PAK3: variants seen among roughly 807,000 people sequenced by gnomAD.
PAK3 encodes the protein p21 (RAC1) activated kinase 3.
Under a neutral mutation model 41.0 loss-of-function variants are expected in PAK3, and 4 were observed. That is an observed-to-expected ratio of 0.10 (90% CI 0.05 to 0.22). PAK3 has a LOEUF of 0.22. PAK3 is among the 10% of genes least tolerant of loss of function. The pLI is 1.00. For synonymous variants in PAK3, 146 were observed against 139.6 expected (o/e 1.05, Z -0.32); for missense variants, 205 against 409.9 (o/e 0.50, Z 4.32).
intron 1 of PAK3, among the ~76,000 whole-genome samples, chrX:111,062,496 G>A (rs2148811082): frequency 8.9e-6 from 1 of 112,257 alleles, no homozygotes; most frequent in East Asian, 2.8e-4. Flanking sequence ...GGCCTCAGTT[G>A]GACTGAACTC....
chrX:111,200,380 T>A (rs954432355), intron 16 of PAK3, among the ~76,000 whole-genome samples: 8 of 111,940 alleles, frequency 7.1e-5, no homozygotes, highest in African/African-American at 2.6e-4. Context: ...CTTGTTTTAT[T>A]CCCTGTGCTG....
At chrX:110,990,664 C>A (rs892637468) in intron 1 of PAK3, among the ~76,000 whole-genome samples, 3 of 110,165 alleles carry the variant, frequency 2.7e-5, no homozygotes, top group Non-Finnish European at 5.7e-5. Flanking sequence ...AAAGGATATT[C>A]TTTTACTGGT....
chrX:111,138,856 T>C (rs925514911), intron 5 of PAK3, among the ~76,000 whole-genome samples: 1 of 110,856 alleles, frequency 9.0e-6, no homozygotes, highest in Non-Finnish European at 1.9e-5. Context: ...TCAAGAATGT[T>C]ATTCAGGAGG....
Position 111,176,370 on chromosome X carries a change from C to T in PAK3, c.830+3289C>T, listed in dbSNP as rs756158445. Among the ~76,000 whole-genome samples, 17 of 110,266 alleles carry T rather than the reference C, an allele frequency of 1.5e-4. 1 individual carries two copies. The South Asian group carries it at 4.4e-3, about 29-fold the overall frequency. ...GGCGAAGGGAGTGAGAGCATTAGGACGAATAGCCAATGCATGCGGGGCTTA... is the reference window on the plus strand; with the variant it reads ...GGCGAAGGGAGTGAGAGCATTAGGATGAATAGCCAATGCATGCGGGGCTTA... On this transcript the variant is annotated intron_variant, in intron 11 of 17. Coordinates refer to ENST00000372007, the MANE Select transcript of PAK3 (RefSeq NM_002578.5).
chrX:111,222,863 A>G lies in PAK3; in HGVS notation c.*2416A>G, dbSNP rs1215289459. The G allele has an allele frequency of 9.0e-6, 1 of 111,290 alleles. No homozygotes were observed. The highest frequency in any genetic ancestry group is 1.9e-5 in the Non-Finnish European group (1 of 53,020). 9.2% of individuals were successfully genotyped at this position (111,290 alleles called of 1,213,427 possible). On this transcript the variant is annotated 3_prime_UTR_variant, in exon 18 of 18. Transcript: ENST00000372007. ...ATGCTTTCAGTTCAGCATATTAACAATGAGGAGCCAGGTACTTCTTTACTA... is the reference window on the plus strand; with the variant it reads ...ATGCTTTCAGTTCAGCATATTAACAGTGAGGAGCCAGGTACTTCTTTACTA...
chrX:111,097,586 G>C lies in PAK3; in HGVS notation c.-274G>C, dbSNP rs765534627. On this transcript the variant is annotated 5_prime_UTR_variant, in exon 3 of 18. Transcript: ENST00000372007. The stretch of plus-strand genomic sequence containing the variant: ...TCATGGTTTTGCAGACTCAAATCCA[G>C]GCCAAGTGTATGGCTGTCTGAGGTA... 9.9e-5 allele frequency: 11 copies of C among 110,701 alleles called. No homozygotes were observed. The highest frequency in any genetic ancestry group is 1.3e-4 in the Non-Finnish European group (7 of 52,988). 9.1% of individuals were successfully genotyped at this position (110,701 alleles called of 1,213,427 possible).
At chrX:111,066,166 T>C (rs1455223005) in intron 1 of PAK3, among the ~76,000 whole-genome samples, 1 of 111,977 alleles carries the variant, frequency 8.9e-6, no homozygotes, top group African/African-American at 3.2e-5. Context: ...GAGATCTTTC[T>C]AACTTTTTTA....
chrX:111,178,447 T>A (rs749176083), intron 11 of PAK3, among the ~76,000 whole-genome samples: 23 of 111,545 alleles, frequency 2.1e-4, no homozygotes, highest in Admixed American at 1.0e-3. Context: ...GTAGAAAAAT[T>A]ATTTAATTTC....
At chrX:111,095,578 G>A (rs909987504), upstream of PAK3, among the ~76,000 whole-genome samples, 4 of 112,245 alleles carry the variant, frequency 3.6e-5, no homozygotes, top group African/African-American at 1.3e-4. Context: ...TCCATTTGAA[G>A]TAGAGTTATT....
intron 6 of PAK3, among the ~76,000 whole-genome samples, chrX:111,143,691 T>TA (rs1421097121): frequency 1.8e-5 from 2 of 110,886 alleles, no homozygotes; most frequent in South Asian, 3.7e-4. Flanking sequence ...GTTCTATTTT[T>TA]AAAAAATTAC....
At chrX:111,034,399 A>G (rs73539006) in intron 1 of PAK3, among the ~76,000 whole-genome samples, 1 of 112,001 alleles carries the variant, frequency 8.9e-6, no homozygotes, top group African/African-American at 3.2e-5. Context: ...TGCTTCAATG[A>G]CCACATTGTC....
chrX:111,189,502 T>G (rs1221907630), intron 11 of PAK3, among the ~76,000 whole-genome samples: 1 of 112,034 alleles, frequency 8.9e-6, no homozygotes, highest in Non-Finnish European at 1.9e-5. Flanking sequence ...CTCTCCAAAC[T>G]GCTTTCCACA....
At chrX:111,158,446 C>CA (rs2094134252) in intron 8 of PAK3, among the ~76,000 whole-genome samples, 1 of 112,083 alleles carries the variant, frequency 8.9e-6, no homozygotes, top group African/African-American at 3.2e-5. Context: ...AGTCCCAGTA[C>CA]TATTTACACA....
intron 1 of PAK3, among the ~76,000 whole-genome samples, chrX:111,029,812 T>C (rs993853897): frequency 8.9e-6 from 1 of 112,019 alleles, no homozygotes; most frequent in African/African-American, 3.2e-5. Flanking sequence ...TTGCACTATA[T>C]GTGATGAAAA....
At chrX:111,087,291 G>A (rs746343216) in intron 1 of PAK3, among the ~76,000 whole-genome samples, 72 of 110,535 alleles carry the variant, frequency 6.5e-4, no homozygotes, top group African/African-American at 2.4e-3. Context: ...TATTTATTGA[G>A]TAGGGAATGT....
chrX:111,144,824 T>A, intron 6 of PAK3: 1 of 842,452 alleles, frequency 1.2e-6, no homozygotes, highest in African/African-American at 2.0e-5. Context: ...TAAGTCCTCA[T>A]CCTTTATATT....
chrX:110,970,804 C>T (rs764321299), intron 1 of PAK3, among the ~76,000 whole-genome samples: 5 of 111,982 alleles, frequency 4.5e-5, no homozygotes, highest in African/African-American at 1.6e-4. Context: ...ATATTGTATC[C>T]TGCAAACCAA....
intron 1 of PAK3, among the ~76,000 whole-genome samples, chrX:111,018,928 A>C (rs1013106019): frequency 3.6e-5 from 4 of 111,635 alleles, no homozygotes; most frequent in South Asian, 3.8e-4. Context: ...GCCCAGAAAT[A>C]AACCCTCATT....
Position 111,225,089 on chromosome X carries a change from T to C in PAK3, c.*4642T>C, listed in dbSNP as rs953815345. On this transcript the variant is annotated 3_prime_UTR_variant, in exon 18 of 18. Transcript: ENST00000372007. ...TGAACTCAGCACACAATTCTGAACG[T>C]GTATTTGCATGTGGACTGGGAAGGA... 6.2e-5 allele frequency: 7 copies of C among 112,127 alleles called. No individual in the cohort carries two copies. Among genetic ancestry groups the C allele is most frequent in the Non-Finnish European group, 9.4e-5 (5 of 53,242 alleles). The allele number at this position is 112,127 out of a possible 1,213,427, so 9.2% of individuals were successfully genotyped here.
Sources: allele counts gnomAD v4.1 joint callset (sites outside exome capture counted in the v4.1 genomes callset), GRCh38; gene constraint gnomAD v4.1.1; transcripts MANE v1.5; gene names NCBI Gene and HGNC (gene_info 2026-07-23, HGNC 2026-07-21).